LARGE1: variants seen among roughly 807,000 people sequenced by gnomAD.
LARGE1 encodes LARGE xylosyl- and glucuronyltransferase 1.
In LARGE1, 43 loss-of-function variants were observed where a neutral mutation model predicts 87.6. The observed-to-expected ratio is 0.49, with a 90% CI of 0.38 to 0.63. LARGE1 has a LOEUF of 0.63. Among genes scored for constraint, LARGE1 ranks in the 30% least tolerant of loss-of-function variants. The probability of loss-of-function intolerance (pLI) is 0.00; values close to 1 mark genes in which losing one functional copy is unlikely to be tolerated. For missense variants in LARGE1, 802 were observed against 1,000.2 expected (o/e 0.80, Z 2.67); for synonymous variants, 434 against 394.6 (o/e 1.10, Z -1.18).
intron 5 of LARGE1, among the ~76,000 whole-genome samples, chr22:33,573,470 G>C (rs768023206): frequency 1.1e-4 from 17 of 152,148 alleles, no homozygotes; most frequent in Non-Finnish European, 2.2e-4. Context: ...CTGCATTTGT[G>C]AGTATTCACC....
chr22:33,698,348 T>A lies in LARGE1; in HGVS notation c.107-47680A>T, dbSNP rs1020750213. Among the ~76,000 whole-genome samples, 68 of 147,864 alleles carry A rather than the reference T, an allele frequency of 4.6e-4. 1 individual carries two copies. Among genetic ancestry groups the A allele is most frequent in the African/African-American group, 1.6e-3 (63 of 39,688 alleles). ...CTTAGCCTCACTCAGTCACCCAGGC[T>A]GGAGTGCAGTGGTGTGATCTCTGCT... On this transcript the variant is annotated intron_variant, in intron 2 of 14. Transcript: ENST00000397394.
chr22:33,406,418 G>A (rs1350081115), intron 7 of LARGE1, among the ~76,000 whole-genome samples: 5 of 152,018 alleles, frequency 3.3e-5, no homozygotes, highest in Non-Finnish European at 5.9e-5. Context: ...TATCCTCTCC[G>A]TCTTGAGAGC....
intron 11 of LARGE1, among the ~76,000 whole-genome samples, chr22:33,306,441 T>G (rs996717859): frequency 6.6e-6 from 1 of 152,124 alleles, no homozygotes; most frequent in Non-Finnish European, 1.5e-5. Context: ...TGGCTGGGCA[T>G]GAAGAGAGGA....
Position 33,301,908 on chromosome 22 carries a change from G to T in LARGE1, c.1730+2321C>A, listed in dbSNP as rs546534888. On this transcript the variant is annotated intron_variant, in intron 12 of 14. Transcript: ENST00000397394. Reference sequence around the variant, plus strand: ...ACAAAGAAAAAAAAACTGTTCATACGTATTGCTTTTTAAAACATGATGCCC... The same window carrying T: ...ACAAAGAAAAAAAAACTGTTCATACTTATTGCTTTTTAAAACATGATGCCC... Among the ~76,000 whole-genome samples the T allele has an allele frequency of 7.5e-4, 114 of 152,260 alleles. 2 individuals carry two copies. Among genetic ancestry groups the T allele is most frequent in the African/African-American group, 2.6e-3 (108 of 41,552 alleles).
At position 33,912,075 on chromosome 22, in the gene LARGE1, T is replaced by C. The variant is rs557250709; in HGVS notation, c.-83+7920A>G. Among the ~76,000 whole-genome samples, 11 of 152,352 alleles carry C rather than the reference T, an allele frequency of 7.2e-5. No individual in the cohort carries two copies. In the South Asian group the frequency reaches 1.9e-3, roughly 26 times the overall value. On this transcript the variant is annotated intron_variant, in intron 1 of 14. Transcript: ENST00000397394. The stretch of plus-strand genomic sequence containing the variant: ...AGAAAGGTAAAGCCCCACCGGCCTA[T>C]GGGCTTGCCTCTATGCCTCCCTTGG...
At chr22:33,901,443 T>C (rs914630031) in intron 1 of LARGE1, among the ~76,000 whole-genome samples, 1 of 152,208 alleles carries the variant, frequency 6.6e-6, no homozygotes, top group Non-Finnish European at 1.5e-5. Context: ...CAATAAACCA[T>C]GTTCTGCCAA....
intron 6 of LARGE1, among the ~76,000 whole-genome samples, chr22:33,511,968 G>A (rs1168623553): frequency 1.3e-5 from 2 of 152,196 alleles, no homozygotes; most frequent in Non-Finnish European, 2.9e-5. Context: ...AAAGGGAACT[G>A]TTTACTTGTA....
the LARGE1 span, among the ~76,000 whole-genome samples, chr22:33,146,283 A>G: frequency 1.3e-5 from 2 of 152,134 alleles, no homozygotes; most frequent in African/African-American, 4.8e-5. Context: ...TAGACTCTTA[A>G]TTTACTTCAG....
chr22:33,789,704 G>T (rs1360513474), intron 1 of LARGE1, among the ~76,000 whole-genome samples: 1 of 152,180 alleles, frequency 6.6e-6, no homozygotes, highest in Admixed American at 6.5e-5. Context: ...AATCACTTCG[G>T]AGCTTTAAGA....
At chr22:33,315,522 G>C (rs181779466) in intron 11 of LARGE1, among the ~76,000 whole-genome samples, 1 of 152,316 alleles carries the variant, frequency 6.6e-6, no homozygotes, top group Admixed American at 6.5e-5. Context: ...TACTTCTTAA[G>C]AATCGATCCT....
chr22:33,702,583 T>C (rs1280150653), intron 2 of LARGE1, among the ~76,000 whole-genome samples: 1 of 152,190 alleles, frequency 6.6e-6, no homozygotes. Context: ...CCCAATGGAC[T>C]GCAGTTTCTA....
At chr22:33,473,374 A>G (rs5749614) in intron 6 of LARGE1, among the ~76,000 whole-genome samples, 31,469 of 151,542 alleles carry the variant, frequency 0.21, 3,360 homozygotes, top group East Asian at 0.29. Flanking sequence ...TTTTGAGACG[A>G]AGTCTCACTC....
At chr22:33,562,485 G>A (rs575443090) in intron 6 of LARGE1, among the ~76,000 whole-genome samples, 2 of 152,248 alleles carry the variant, frequency 1.3e-5, no homozygotes, top group South Asian at 4.1e-4. Flanking sequence ...ACCAACAAAA[G>A]AATGAACAAA....
chr22:33,357,001 A>C (rs1261083009), intron 9 of LARGE1, among the ~76,000 whole-genome samples: 8 of 152,182 alleles, frequency 5.3e-5, no homozygotes, highest in African/African-American at 1.9e-4. Context: ...TCAATCTCAC[A>C]ATCCTACTAC....
intron 9 of LARGE1, among the ~76,000 whole-genome samples, chr22:33,370,244 C>T (rs2064758153): frequency 6.6e-6 from 1 of 152,064 alleles, no homozygotes; most frequent in African/African-American, 2.4e-5. Flanking sequence ...AAAAAAATAG[C>T]TGGAAAACAA....
chr22:33,529,049 G>A (rs945376589), intron 6 of LARGE1, among the ~76,000 whole-genome samples: 11 of 152,168 alleles, frequency 7.2e-5, no homozygotes, highest in Non-Finnish European at 1.2e-4. Flanking sequence ...CTCCCTACAC[G>A]TGGAATAGCA....
intron 2 of LARGE1, among the ~76,000 whole-genome samples, chr22:33,666,643 G>A (rs971062359): frequency 1.3e-5 from 2 of 152,210 alleles, no homozygotes; most frequent in Non-Finnish European, 2.9e-5. Flanking sequence ...GACAGGAGAA[G>A]TGACACACAG....
chr22:33,672,904 G>A (rs2081459037), intron 2 of LARGE1, among the ~76,000 whole-genome samples: 1 of 152,176 alleles, frequency 6.6e-6, no homozygotes, highest in South Asian at 2.1e-4. Context: ...AGCTCATCAG[G>A]AGGACAATCG....
the LARGE1 span, among the ~76,000 whole-genome samples, chr22:33,088,864 G>A: frequency 6.6e-6 from 1 of 152,198 alleles, no homozygotes; most frequent in Admixed American, 6.5e-5. Context: ...GGGGATAATA[G>A]TGGGTCCTAT....
Sources: allele counts gnomAD v4.1 joint callset (sites outside exome capture counted in the v4.1 genomes callset), GRCh38; gene constraint gnomAD v4.1.1; transcripts MANE v1.5; gene names NCBI Gene and HGNC (gene_info 2026-07-23, HGNC 2026-07-21).